Variants in CDH7 observed in about 807,000 individuals in gnomAD.
CDH7 encodes cadherin-7.
In CDH7, 25 loss-of-function variants were observed where a neutral mutation model predicts 71.8. That is an observed-to-expected ratio of 0.35 (90% CI 0.25 to 0.49). The LOEUF (loss-of-function observed/expected upper bound fraction) is 0.49. Ranked by LOEUF, CDH7 falls within the 20% of genes least tolerant of loss-of-function variation. CDH7 has a pLI of 0.99. For missense variants in CDH7, 862 were observed against 974.6 expected, an observed-to-expected ratio of 0.88 and a Z score of 1.54; for synonymous variants, 381 against 363.8, an observed-to-expected ratio of 1.05 and a Z score of -0.54.
intron 6 of CDH7, among the ~76,000 whole-genome samples, chr18:65,832,321 GGAAGA>G (rs1339439530): frequency 1.3e-5 from 2 of 151,734 alleles, no homozygotes; most frequent in Admixed American, 6.6e-5. Flanking sequence ...TTTAGAATCA[GGAAGA>G]GAAAAGCAGA....
At chr18:65,844,174 G>GATTTTTATATAT (rs71167157) in intron 7 of CDH7, 109 bp downstream of exon 7, 24 of 227,998 alleles carry the variant, frequency 1.1e-4, no homozygotes, top group Admixed American at 4.6e-4. Context: ...ATAAAAACCA[G>GATTTTTATATAT]ATATATATAT....
chr18:65,878,675 C>T lies in CDH7; in HGVS notation c.1865-1726C>T, dbSNP rs542565048. On this transcript the variant is annotated intron_variant, in intron 11 of 11. Transcript: ENST00000397968. ...AAGTAATTGTGATTTTTGCTATTACCTTAATTGCAAAAACCACAGTTACTT... is the reference window on the plus strand; with the variant it reads ...AAGTAATTGTGATTTTTGCTATTACTTTAATTGCAAAAACCACAGTTACTT... Among the ~76,000 whole-genome samples, 46 of 152,218 alleles carry T rather than the reference C, an allele frequency of 3.0e-4. No individual in the cohort carries two copies. In the South Asian group the frequency reaches 8.7e-3, roughly 29 times the overall value.
intron 7 of CDH7, among the ~76,000 whole-genome samples, chr18:65,852,546 AG>A: frequency 6.6e-6 from 1 of 152,104 alleles, no homozygotes; most frequent in African/African-American, 2.4e-5. Flanking sequence ...CCCAGGTGAG[AG>A]AAAGGGGGAG....
At chr18:65,786,672 T>C (rs1910524858) in intron 2 of CDH7, among the ~76,000 whole-genome samples, 1 of 152,046 alleles carries the variant, frequency 6.6e-6, no homozygotes, top group Admixed American at 6.6e-5. Flanking sequence ...CTGCTTCTTT[T>C]TCTCTCTCTC....
intron 7 of CDH7, among the ~76,000 whole-genome samples, chr18:65,847,999 T>C (rs2144002370): frequency 6.6e-6 from 1 of 151,516 alleles, no homozygotes; most frequent in East Asian, 1.9e-4. Flanking sequence ...GAAAAATGGG[T>C]AATTGAGGGC....
rs1439776596 is a variant in CDH7, at chr18:65,885,443, T to A, written c.*4549T>A. ...CCCAGGCTGGAGTGCAGTGGTGCGA[T>A]CTCGGCTCACTGCAAGCTCCGCCTC... On this transcript the variant is annotated 3_prime_UTR_variant, in exon 12 of 12. Transcript: ENST00000397968. 7.5e-6 allele frequency: 1 copy of A among 134,030 alleles called. No individual in the cohort carries two copies. Among genetic ancestry groups the A allele is most frequent in the Non-Finnish European group, 1.6e-5 (1 of 64,234 alleles). 8.3% of individuals were successfully genotyped at this position (134,030 alleles called of 1,614,324 possible).
At chr18:65,845,021 T>C (rs1164682853) in intron 7 of CDH7, among the ~76,000 whole-genome samples, 2 of 152,046 alleles carry the variant, frequency 1.3e-5, no homozygotes, top group Admixed American at 1.3e-4. Context: ...GCTTTTGAAC[T>C]AACTTTTGAG....
intron 2 of CDH7, among the ~76,000 whole-genome samples, chr18:65,784,593 C>A (rs964633017): frequency 6.6e-6 from 1 of 152,106 alleles, no homozygotes; most frequent in Non-Finnish European, 1.5e-5. Flanking sequence ...GAGAAAAAGT[C>A]CTAGAACATC....
At chr18:65,800,894 T>C (rs1911097867) in intron 2 of CDH7, among the ~76,000 whole-genome samples, 1 of 152,168 alleles carries the variant, frequency 6.6e-6, no homozygotes, top group Non-Finnish European at 1.5e-5. Flanking sequence ...ATCAAGTTCC[T>C]CCCCTTCATT....
intron 6 of CDH7, among the ~76,000 whole-genome samples, chr18:65,826,704 ATGT>A (rs1912143920): frequency 2.6e-5 from 4 of 151,666 alleles, no homozygotes; most frequent in East Asian, 1.9e-4. Flanking sequence ...TATAATTGAA[ATGT>A]TGTTAAATAT....
Position 65,781,819 on chromosome 18 carries a change from C to CTTCTTTCTTTCTTTCT in CDH7, c.210+18800_210+18815dup, listed in dbSNP as rs1224080276. Among the ~76,000 whole-genome samples, 132 of 43,896 alleles carry CTTCTTTCTTTCTTTCT rather than the reference C, an allele frequency of 3.0e-3. 4 individuals are homozygous for CTTCTTTCTTTCTTTCT. The highest frequency in any genetic ancestry group is 0.012 in the East Asian group (14 of 1,160). 28.8% of individuals were successfully genotyped at this position (43,896 alleles called of 152,430 possible). ...CCTTCCTTCCTTCCTTCCTTCCTTC[C>CTTCTTTCTTTCTTTCT]TTCTTTCTTTCTTTCTTTCTTTCTT... On this transcript the variant is annotated intron_variant, in intron 2 of 11. Transcript: ENST00000397968.
chr18:65,854,920 C>CGTATAT (rs61208244), intron 7 of CDH7, among the ~76,000 whole-genome samples: 16,829 of 145,404 alleles, frequency 0.12, 1,072 homozygotes, highest in Middle Eastern at 0.16. Context: ...TATGTGTACA[C>CGTATAT]ATATATATAT....
chr18:65,822,214 T>A lies in CDH7; in HGVS notation c.759T>A (p.Thr253=), dbSNP rs1911960068. 2 of 1,612,894 alleles carry A rather than the reference T, an allele frequency of 1.2e-6. No homozygotes were observed. The highest frequency in any genetic ancestry group is 1.7e-5 in the Admixed American group (1 of 59,956). The change falls in exon 5 of 12, where the codon ACT becomes ACA. Residue 253 remains threonine (T), a synonymous_variant. Coordinates refer to ENST00000397968, the MANE Select transcript of CDH7 (RefSeq NM_004361.5). The part of the protein sequence containing the change: ...SGTTSVTVTL[T]DVNDNPPRFP... ...CTACATCAGTCACTGTGACCCTAACTGATGTCAACGATAATCCACCTCGCT... is the reference window on the plus strand; with the variant it reads ...CTACATCAGTCACTGTGACCCTAACAGATGTCAACGATAATCCACCTCGCT...
chr18:65,767,516 A>T (rs1339054119), intron 2 of CDH7, among the ~76,000 whole-genome samples: 2 of 152,202 alleles, frequency 1.3e-5, no homozygotes, highest in East Asian at 3.9e-4. Context: ...GATTTTATTG[A>T]GAAAAGACAA....
intron 2 of CDH7, among the ~76,000 whole-genome samples, chr18:65,807,593 G>A (rs1200822176): frequency 6.6e-6 from 1 of 152,168 alleles, no homozygotes; most frequent in Non-Finnish European, 1.5e-5. Context: ...ACCAGGTGCC[G>A]CCCCATAGGA....
chr18:65,843,577 G>A (rs1242908911), intron 6 of CDH7, among the ~76,000 whole-genome samples: 1 of 152,112 alleles, frequency 6.6e-6, no homozygotes, highest in African/African-American at 2.4e-5. Flanking sequence ...CTGTCTGTCT[G>A]TGCAGCGTAT....
intron 1 of CDH7, among the ~76,000 whole-genome samples, chr18:65,760,131 A>T (rs1916149444): frequency 6.6e-6 from 1 of 152,220 alleles, no homozygotes; most frequent in Non-Finnish European, 1.5e-5. Context: ...AAACTAAAAA[A>T]TATGATAATA....
At chr18:65,827,874 AATAG>A in intron 6 of CDH7, among the ~76,000 whole-genome samples, 1 of 151,904 alleles carries the variant, frequency 6.6e-6, no homozygotes, top group Non-Finnish European at 1.5e-5. Flanking sequence ...TGCTGTTTGA[AATAG>A]ATAAAGATGT....
chr18:65,794,592 G>GAA (rs59757795), intron 2 of CDH7, among the ~76,000 whole-genome samples: 52 of 138,720 alleles, frequency 3.7e-4, no homozygotes, highest in African/African-American at 1.2e-3. Flanking sequence ...GGAGGGGTTA[G>GAA]AAAAAAAAAA....
Sources: gnomAD v4.1 joint callset for allele counts (sites outside exome capture counted in the v4.1 genomes callset) on GRCh38, gnomAD v4.1.1 for gene constraint, MANE v1.5 for transcripts, NCBI Gene and HGNC (gene_info 2026-07-23, HGNC 2026-07-21) for gene names.